Variants in NCKAP5 observed in about 807,000 individuals in gnomAD.
The protein encoded by NCKAP5 is NCK associated protein 5.
In NCKAP5, 92 loss-of-function variants were observed where a neutral mutation model predicts 167.0. That is an observed-to-expected ratio of 0.55 (90% CI 0.47 to 0.66). The LOEUF is 0.66. Among genes scored for constraint, NCKAP5 ranks in the 30% least tolerant of loss-of-function variants. The pLI is 0.00. For missense variants in NCKAP5, 2,378 were observed against 2,315.0 expected, an observed-to-expected ratio of 1.03 and a Z score of -0.56; for synonymous variants, 891 against 877.4, an observed-to-expected ratio of 1.02 and a Z score of -0.27.
At chr2:132,750,377 C>T (rs72989521) in intron 16 of NCKAP5, among the ~76,000 whole-genome samples, 47 of 152,188 alleles carry the variant, frequency 3.1e-4, no homozygotes, top group African/African-American at 1.1e-3. Flanking sequence ...ATAACTTGGC[C>T]TTCCAATAGA....
At chr2:132,995,081 A>G (rs2077554840) in intron 6 of NCKAP5, among the ~76,000 whole-genome samples, 1 of 152,146 alleles carries the variant, frequency 6.6e-6, no homozygotes, top group Non-Finnish European at 1.5e-5. Context: ...TCAGTGAGTG[A>G]GGAGTGAGTG....
chr2:133,668,933 T>C, the NCKAP5 span, among the ~76,000 whole-genome samples: 388 of 152,312 alleles, frequency 2.5e-3, 1 homozygote, highest in African/African-American at 8.8e-3. Context: ...ACTTAAATTC[T>C]GAGTCAGATA....
In NCKAP5 at chr2:133,277,352, T is replaced by A. The variant is rs750594332; in HGVS notation, c.143+25685A>T. 3.2e-4 allele frequency among the ~76,000 whole-genome samples: 48 copies of A among 152,292 alleles called. No homozygotes were observed. The Middle Eastern group carries it at 0.01, about 32-fold the overall frequency. On this transcript the variant is annotated intron_variant, in intron 4 of 19. Coordinates refer to ENST00000409261, the MANE Select transcript of NCKAP5 (RefSeq NM_207363.3). Reference sequence around the variant, plus strand: ...AAATTAATATATAGAAGTCAGTTGCTTTCACAGACATTGATAGTAAACTGG... The same window carrying A: ...AAATTAATATATAGAAGTCAGTTGCATTCACAGACATTGATAGTAAACTGG...
chr2:133,534,175 T>C (rs1467734492), intron 2 of NCKAP5, among the ~76,000 whole-genome samples: 1 of 152,216 alleles, frequency 6.6e-6, no homozygotes, highest in East Asian at 1.9e-4. Context: ...TCTGACAAAT[T>C]AATTTCTCTA....
intron 11 of NCKAP5, among the ~76,000 whole-genome samples, chr2:132,850,023 C>T (rs16842442): frequency 0.021 from 3,168 of 152,278 alleles, 107 homozygotes; most frequent in African/African-American, 0.073. Flanking sequence ...AAGTATCAAT[C>T]TGAGTGTCCA....
At chr2:133,144,239 T>C (rs577060300) in intron 5 of NCKAP5, among the ~76,000 whole-genome samples, 1 of 152,188 alleles carries the variant, frequency 6.6e-6, no homozygotes, top group African/African-American at 2.4e-5. Context: ...TGCCACACAG[T>C]CTCTGTTGTA....
chr2:132,857,191 A>G (rs572746870), intron 11 of NCKAP5, among the ~76,000 whole-genome samples: 1 of 151,280 alleles, frequency 6.6e-6, no homozygotes, highest in Admixed American at 6.6e-5. Context: ...TTAATTTGGC[A>G]TCAACACACA....
the NCKAP5 span, among the ~76,000 whole-genome samples, chr2:133,577,626 C>G: frequency 6.6e-6 from 1 of 152,076 alleles, no homozygotes; most frequent in African/African-American, 2.4e-5. Flanking sequence ...ATTAACTCGT[C>G]ATTTAGCATT....
chr2:133,220,585 C>T (rs759084404), intron 4 of NCKAP5, among the ~76,000 whole-genome samples: 85 of 152,222 alleles, frequency 5.6e-4, no homozygotes, highest in Admixed American at 9.8e-4. Flanking sequence ...ACCACTGACA[C>T]CTCTGCAAGT....
intron 10 of NCKAP5, 151 bp downstream of exon 10, chr2:132,868,785 T>A: frequency 2.1e-6 from 1 of 477,890 alleles, no homozygotes; most frequent in Non-Finnish European, 3.6e-6. Flanking sequence ...TGATGTTACT[T>A]CATATGCCAT....
intron 16 of NCKAP5, among the ~76,000 whole-genome samples, chr2:132,769,315 A>T (rs1251515581): frequency 6.6e-6 from 1 of 152,168 alleles, no homozygotes; most frequent in East Asian, 1.9e-4. Flanking sequence ...ATTACCCTTA[A>T]CCACAGAAAT....
intron 3 of NCKAP5, among the ~76,000 whole-genome samples, chr2:133,473,745 C>T (rs1010635673): frequency 2.6e-5 from 4 of 152,166 alleles, no homozygotes; most frequent in African/African-American, 4.8e-5. Context: ...AATTACCCCT[C>T]GTTGTATATG....
chr2:133,636,162 T>C, the NCKAP5 span, among the ~76,000 whole-genome samples: 1 of 152,214 alleles, frequency 6.6e-6, no homozygotes, highest in East Asian at 1.9e-4. Flanking sequence ...TCAAAGATTT[T>C]CCAGGACAAG....
intron 16 of NCKAP5, among the ~76,000 whole-genome samples, chr2:132,766,807 C>T (rs1323540573): frequency 6.6e-6 from 1 of 152,210 alleles, no homozygotes; most frequent in Non-Finnish European, 1.5e-5. Flanking sequence ...AGAAGCTGCT[C>T]TATTTGCTGA....
At chr2:133,574,252 CT>C in the NCKAP5 span, among the ~76,000 whole-genome samples, 1 of 152,186 alleles carries the variant, frequency 6.6e-6, no homozygotes, top group African/African-American at 2.4e-5. Flanking sequence ...CACACTGAGG[CT>C]TGACGCATAA....
At chr2:133,222,428 T>C (rs77959027) in intron 4 of NCKAP5, among the ~76,000 whole-genome samples, 1,873 of 152,252 alleles carry the variant, frequency 0.012, 51 homozygotes, top group African/African-American at 0.042. Context: ...TTTGCTTCTA[T>C]TAATACATTC....
chr2:133,534,584 T>C (rs72992324), intron 2 of NCKAP5, among the ~76,000 whole-genome samples: 6,445 of 152,264 alleles, frequency 0.042, 479 homozygotes, highest in African/African-American at 0.15. Context: ...CATAGAATCA[T>C]GATAAGTAAT....
chr2:133,556,540 C>T (rs184474960), intron 2 of NCKAP5, among the ~76,000 whole-genome samples: 1 of 152,304 alleles, frequency 6.6e-6, no homozygotes, highest in African/African-American at 2.4e-5. Flanking sequence ...TTTCCAGTAG[C>T]ATGTGTATTC....
At chr2:132,813,831 T>C (rs1036914655) in intron 11 of NCKAP5, among the ~76,000 whole-genome samples, 3 of 152,202 alleles carry the variant, frequency 2.0e-5, no homozygotes, top group African/African-American at 7.2e-5. Context: ...CTTACATTAT[T>C]AAAGGAAAGA....
Sources: allele counts gnomAD v4.1 joint callset (sites outside exome capture counted in the v4.1 genomes callset), GRCh38; gene constraint gnomAD v4.1.1; transcripts MANE v1.5; gene names NCBI Gene and HGNC (gene_info 2026-07-23, HGNC 2026-07-21).